The following TMEM117 variants were observed in gnomAD, a reference collection of about 807,000 sequenced individuals.
TMEM117 encodes transmembrane protein 117.
Under a neutral mutation model 52.4 loss-of-function variants are expected in TMEM117, and 27 were observed. The ratio of observed to expected loss-of-function variants is 0.51; its 90% CI spans 0.38 to 0.71. TMEM117 has a LOEUF of 0.71. Ranked by LOEUF, TMEM117 falls within the 30% of genes least tolerant of loss-of-function variation. The pLI is 0.00. For synonymous variants in TMEM117, 215 were observed against 206.3 expected, an observed-to-expected ratio of 1.04 and a Z score of -0.36; for missense variants, 556 against 630.5, an observed-to-expected ratio of 0.88 and a Z score of 1.26.
At chr12:43,839,159 G>A (rs753531439) in intron 1 of TMEM117, among the ~76,000 whole-genome samples, 4 of 152,140 alleles carry the variant, frequency 2.6e-5, no homozygotes, top group African/African-American at 7.2e-5. Flanking sequence ...CTTGGTCCAA[G>A]TTGCTGCATC....
chr12:44,066,276 TA>T (rs1947220249), intron 3 of TMEM117, among the ~76,000 whole-genome samples: 1 of 152,188 alleles, frequency 6.6e-6, no homozygotes, highest in African/African-American at 2.4e-5. Flanking sequence ...TAACAAGGGA[TA>T]ACTATAGGTG....
intron 6 of TMEM117, among the ~76,000 whole-genome samples, chr12:44,374,454 A>G (rs1951910364): frequency 6.6e-6 from 1 of 152,144 alleles, no homozygotes; most frequent in Non-Finnish European, 1.5e-5. Context: ...CCCCAGGCCC[A>G]AACTACCTTC....
chr12:44,239,383 A>T (rs1950035249), intron 5 of TMEM117, among the ~76,000 whole-genome samples: 1 of 152,162 alleles, frequency 6.6e-6, no homozygotes, highest in Non-Finnish European at 1.5e-5. Flanking sequence ...TGTGGCATTA[A>T]GGATTGTTCT....
intron 3 of TMEM117, among the ~76,000 whole-genome samples, chr12:44,018,745 A>G (rs1316233904): frequency 6.8e-6 from 1 of 147,920 alleles, no homozygotes; most frequent in Non-Finnish European, 1.5e-5. Context: ...TTTTTAGAAG[A>G]AGTCTTGCTC....
intron 6 of TMEM117, among the ~76,000 whole-genome samples, chr12:44,335,370 A>G (rs1053497838): frequency 6.6e-6 from 1 of 152,134 alleles, no homozygotes; most frequent in Non-Finnish European, 1.5e-5. Context: ...AAATCATTTT[A>G]AAGTAATACT....
upstream of TMEM117, among the ~76,000 whole-genome samples, chr12:43,835,353 T>C (rs1412895490): frequency 6.6e-6 from 1 of 152,102 alleles, no homozygotes; most frequent in Non-Finnish European, 1.5e-5. Context: ...AAATTGTACA[T>C]GAGTATGTGT....
intron 3 of TMEM117, among the ~76,000 whole-genome samples, chr12:44,121,706 TC>T (rs1292507740): frequency 6.6e-6 from 1 of 152,198 alleles, no homozygotes; most frequent in Non-Finnish European, 1.5e-5. Flanking sequence ...TTTTTCTCTT[TC>T]CAATTTTTAT....
intron 5 of TMEM117, among the ~76,000 whole-genome samples, chr12:44,254,900 C>T (rs1442881396): frequency 1.3e-5 from 2 of 151,540 alleles, no homozygotes; most frequent in Non-Finnish European, 2.9e-5. Context: ...TGAGTGAGAA[C>T]ATGCGGTGTT....
chr12:44,223,212 T>G (rs1949814000), intron 5 of TMEM117, among the ~76,000 whole-genome samples: 1 of 152,062 alleles, frequency 6.6e-6, no homozygotes, highest in Non-Finnish European at 1.5e-5. Flanking sequence ...CCCTCCACCC[T>G]GCAAAATGCC....
At chr12:43,872,896 A>C (rs1943730455) in intron 2 of TMEM117, among the ~76,000 whole-genome samples, 1 of 152,200 alleles carries the variant, frequency 6.6e-6, no homozygotes, top group African/African-American at 2.4e-5. Context: ...TGTGGCAAAG[A>C]GAGAAAGATA....
intron 4 of TMEM117, among the ~76,000 whole-genome samples, chr12:44,162,057 C>T (rs958753269): frequency 6.6e-6 from 1 of 152,090 alleles, no homozygotes; most frequent in African/African-American, 2.4e-5. Flanking sequence ...TTTGAAACTA[C>T]TAAAGTGAGT....
At chr12:44,319,841 T>C (rs1424228381) in intron 6 of TMEM117, among the ~76,000 whole-genome samples, 1 of 152,232 alleles carries the variant, frequency 6.6e-6, no homozygotes, top group African/African-American at 2.4e-5. Context: ...CCTAACTATA[T>C]GTCTCTTTCT....
In TMEM117 at chr12:44,221,576, C is replaced by T. The variant is rs1224826611; in HGVS notation, c.608+10189C>T. ...TATAATGTGGGATATAGGGGTTCAT[C>T]ACAAAATTTTAAATTAGTAATTAAT... On this transcript the variant is annotated intron_variant, in intron 5 of 7. Transcript: ENST00000266534. Among the ~76,000 whole-genome samples, 6 of 152,156 alleles carry T rather than the reference C, an allele frequency of 3.9e-5. No individual in the cohort carries two copies. The South Asian group carries it at 6.2e-4, about 16-fold the overall frequency.
At chr12:44,101,761 T>G (rs1013667284) in intron 3 of TMEM117, among the ~76,000 whole-genome samples, 1 of 152,052 alleles carries the variant, frequency 6.6e-6, no homozygotes, top group Non-Finnish European at 1.5e-5. Flanking sequence ...GTACACCAGC[T>G]GGAATGGCTG....
At chr12:44,300,784 G>A (rs1950829698) in intron 6 of TMEM117, among the ~76,000 whole-genome samples, 1 of 152,036 alleles carries the variant, frequency 6.6e-6, no homozygotes, top group African/African-American at 2.4e-5. Flanking sequence ...GAATATTTTT[G>A]TTGCATTTGA....
chr12:43,967,121 T>C (rs538078725), intron 3 of TMEM117, among the ~76,000 whole-genome samples: 1 of 95,856 alleles, frequency 1.0e-5, no homozygotes, highest in African/African-American at 3.7e-5. Context: ...AATGCCATGT[T>C]ACTTCTTCTT....
At chr12:43,808,905 A>G in the TMEM117 span, among the ~76,000 whole-genome samples, 1 of 152,004 alleles carries the variant, frequency 6.6e-6, no homozygotes, top group South Asian at 2.1e-4. Flanking sequence ...AAGGTGACCA[A>G]TCTTATGTTT....
At chr12:43,897,151 C>A (rs1944219168) in intron 2 of TMEM117, among the ~76,000 whole-genome samples, 1 of 152,204 alleles carries the variant, frequency 6.6e-6, no homozygotes, top group Non-Finnish European at 1.5e-5. Flanking sequence ...TTGCCACATT[C>A]AGTCTTCTCA....
At chr12:43,813,476 T>C in the TMEM117 span, among the ~76,000 whole-genome samples, 37,551 of 151,648 alleles carry the variant, frequency 0.25, 5,138 homozygotes, top group African/African-American at 0.36. Context: ...AACTACTGGC[T>C]TCGGCCTCCC....
Sources: allele counts gnomAD v4.1 joint callset (sites outside exome capture counted in the v4.1 genomes callset), GRCh38; gene constraint gnomAD v4.1.1; transcripts MANE v1.5; gene names NCBI Gene and HGNC (gene_info 2026-07-23, HGNC 2026-07-21).